The following B3GLCT variants were observed in gnomAD, a reference collection of about 807,000 sequenced individuals.
The protein encoded by B3GLCT is beta 3-glucosyltransferase, also known as beta-1,3-glucosyltransferase.
In B3GLCT, 65 loss-of-function variants were observed where a neutral mutation model predicts 63.4. The ratio of observed to expected loss-of-function variants is 1.03; its 90% CI spans 0.84 to 1.26. The LOEUF (loss-of-function observed/expected upper bound fraction) is 1.26. B3GLCT is among the 50% of genes most tolerant of loss of function. The probability of loss-of-function intolerance (pLI) is 0.00; values close to 1 mark genes in which losing one functional copy is unlikely to be tolerated. For synonymous variants in B3GLCT, 233 were observed against 219.2 expected (o/e 1.06, Z -0.55); for missense variants, 577 against 604.8 (o/e 0.95, Z 0.48).
intron 1 of B3GLCT, among the ~76,000 whole-genome samples, chr13:31,212,793 T>C (rs770863355): frequency 2.1e-4 from 32 of 152,254 alleles, no homozygotes; most frequent in Admixed American, 1.3e-3. Context: ...TATTCTATTT[T>C]CTGGAATTCT....
chr13:31,257,594 G>A (rs928625621), intron 6 of B3GLCT, among the ~76,000 whole-genome samples: 1 of 151,950 alleles, frequency 6.6e-6, no homozygotes, highest in African/African-American at 2.4e-5. Flanking sequence ...TTGAGGAAAA[G>A]TAGGACTGTG....
intron 4 of B3GLCT, among the ~76,000 whole-genome samples, chr13:31,233,091 C>T (rs1451214661): frequency 6.6e-6 from 1 of 152,156 alleles, no homozygotes; most frequent in Non-Finnish European, 1.5e-5. Context: ...AGTAGGTATT[C>T]AGCATATGGC....
At chr13:31,239,909 C>G (rs1870845132) in intron 4 of B3GLCT, among the ~76,000 whole-genome samples, 1 of 152,124 alleles carries the variant, frequency 6.6e-6, no homozygotes, top group Non-Finnish European at 1.5e-5. Context: ...AATCCAGGCA[C>G]CATTTGAAGA....
chr13:31,233,646 T>C (rs1870489344), intron 4 of B3GLCT, among the ~76,000 whole-genome samples: 1 of 152,150 alleles, frequency 6.6e-6, no homozygotes, highest in Non-Finnish European at 1.5e-5. Context: ...ATATGTTGTG[T>C]CCCTTTATGT....
intron 11 of B3GLCT, among the ~76,000 whole-genome samples, chr13:31,285,322 A>G (rs928147075): frequency 2.0e-5 from 3 of 152,174 alleles, no homozygotes; most frequent in African/African-American, 7.2e-5. Context: ...GGAGAGTAGA[A>G]GAGGGGCGAG....
At chr13:31,248,162 T>C (rs1043854004) in intron 6 of B3GLCT, among the ~76,000 whole-genome samples, 196 bp downstream of exon 6, 2 of 152,236 alleles carry the variant, frequency 1.3e-5, no homozygotes, top group African/African-American at 4.8e-5. Flanking sequence ...ACAGAGCTTA[T>C]AATGAGCCAT....
intron 7 of B3GLCT, among the ~76,000 whole-genome samples, chr13:31,261,961 C>A (rs922393678): frequency 6.6e-6 from 1 of 152,172 alleles, no homozygotes; most frequent in Non-Finnish European, 1.5e-5. Flanking sequence ...CCTGTGTTTC[C>A]TAGCTTTCCT....
intron 10 of B3GLCT, among the ~76,000 whole-genome samples, chr13:31,282,503 G>A (rs181533573): frequency 2.1e-4 from 32 of 152,136 alleles, no homozygotes; most frequent in Admixed American, 5.9e-4. Flanking sequence ...TTAGCCGGGC[G>A]TGGTGGCGGG....
Position 31,329,689 on chromosome 13 carries a change from T to C in B3GLCT, c.*21T>C, listed in dbSNP as rs376933953. On this transcript the variant is annotated 3_prime_UTR_variant, in exon 15 of 15. Transcript: ENST00000343307. Reference sequence around the variant, plus strand: ...TATAAATCAGGGTGACCTGTGCGCCTAGCCTGCGCAGGGAATGAACTGGAG... The same window carrying C: ...TATAAATCAGGGTGACCTGTGCGCCCAGCCTGCGCAGGGAATGAACTGGAG... The C allele has an allele frequency of 6.2e-7, 1 of 1,613,284 alleles. No individual in the cohort carries two copies. Among genetic ancestry groups the C allele is most frequent in the South Asian group, 1.1e-5 (1 of 91,050 alleles).
At chr13:31,201,053 A>G (rs1048073716) in intron 1 of B3GLCT, among the ~76,000 whole-genome samples, 2 of 149,632 alleles carry the variant, frequency 1.3e-5, no homozygotes, top group South Asian at 2.1e-4. Flanking sequence ...TTTCATGATC[A>G]GATTTGTTCA....
Position 31,331,811 on chromosome 13 carries a change from A to G in B3GLCT, c.*2143A>G, listed in dbSNP as rs1875942101. ...CAATTTTGAGTCTGACATTTCCAGG[A>G]CCAGATATTGTCTTACTCACATTTC... On this transcript the variant is annotated 3_prime_UTR_variant, in exon 15 of 15. Coordinates refer to ENST00000343307, the MANE Select transcript of B3GLCT (RefSeq NM_194318.4). The G allele has an allele frequency of 6.6e-6, 1 of 152,198 alleles. No homozygotes were observed. Among genetic ancestry groups the G allele is most frequent in the Non-Finnish European group, 1.5e-5 (1 of 68,036 alleles). 9.4% of individuals were successfully genotyped at this position (152,198 alleles called of 1,614,324 possible).
chr13:31,267,920 A>G (rs1872408144), intron 7 of B3GLCT, among the ~76,000 whole-genome samples: 1 of 151,220 alleles, frequency 6.6e-6, no homozygotes, highest in Non-Finnish European at 1.5e-5. Context: ...AGTTGACTGC[A>G]GCCTTCAACT....
intron 10 of B3GLCT, among the ~76,000 whole-genome samples, chr13:31,283,665 G>A (rs1873178979): frequency 6.6e-6 from 1 of 151,708 alleles, no homozygotes; most frequent in African/African-American, 2.4e-5. Flanking sequence ...CTATATAAGG[G>A]CTGTCTGAGC....
intron 12 of B3GLCT, among the ~76,000 whole-genome samples, chr13:31,315,224 T>G (rs1874935401): frequency 6.6e-6 from 1 of 151,956 alleles, no homozygotes; most frequent in Non-Finnish European, 1.5e-5. Context: ...CAGGCAGAGG[T>G]TGGAACAGTT....
chr13:31,206,722 G>A (rs1868975688), intron 1 of B3GLCT, among the ~76,000 whole-genome samples: 1 of 152,110 alleles, frequency 6.6e-6, no homozygotes, highest in African/African-American at 2.4e-5. Flanking sequence ...GGGCGACAGT[G>A]CGAGACTCCA....
intron 3 of B3GLCT, among the ~76,000 whole-genome samples, chr13:31,226,448 G>A (rs1870107337): frequency 6.6e-6 from 1 of 152,216 alleles, no homozygotes; most frequent in African/African-American, 2.4e-5. Flanking sequence ...CCAGGTATGG[G>A]AAGAATTTGC....
intron 4 of B3GLCT, 72 bp from the exon 5 acceptor site, chr13:31,246,951 C>CTTTTTT (rs66466340): frequency 6.0e-5 from 47 of 779,664 alleles, no homozygotes; most frequent in South Asian, 2.2e-4. Flanking sequence ...CTTTTCTTTT[C>CTTTTTT]TTTTTTTTTT....
intron 12 of B3GLCT, chr13:31,311,173 A>T (rs1346704453): frequency 2.0e-5 from 3 of 152,234 alleles, no homozygotes; most frequent in Non-Finnish European, 2.9e-5. Flanking sequence ...ATAAAAGACT[A>T]ACAAGGGCTA....
chr13:31,250,490 T>C (rs1237399385), intron 6 of B3GLCT, among the ~76,000 whole-genome samples: 3 of 152,224 alleles, frequency 2.0e-5, no homozygotes, highest in Admixed American at 2.0e-4. Flanking sequence ...TTATTTTTAA[T>C]AGAGATAAAA....
Sources: allele counts gnomAD v4.1 joint callset (sites outside exome capture counted in the v4.1 genomes callset), GRCh38; gene constraint gnomAD v4.1.1; transcripts MANE v1.5; gene names NCBI Gene and HGNC (gene_info 2026-07-23, HGNC 2026-07-21).